Variants in ATRNL1 observed in about 807,000 individuals in gnomAD.
ATRNL1 encodes attractin like 1.
In ATRNL1, 95 loss-of-function variants were observed where a neutral mutation model predicts 182.7. That is an observed-to-expected ratio of 0.52 (90% CI 0.44 to 0.62). The LOEUF (loss-of-function observed/expected upper bound fraction) is 0.62. ATRNL1 is among the 20% of genes least tolerant of loss of function. The pLI, the probability that ATRNL1 is intolerant of heterozygous loss-of-function variation, is 0.00. For synonymous variants in ATRNL1, 576 were observed against 568.3 expected, an observed-to-expected ratio of 1.01 and a Z score of -0.19; for missense variants, 1,471 against 1,679.5, an observed-to-expected ratio of 0.88 and a Z score of 2.17.
chr10:115,093,755 A>G lies in ATRNL1; in HGVS notation c.5A>G (p.Glu2Gly). 1.4e-6 allele frequency: 2 copies of G among 1,414,524 alleles called. No individual in the cohort carries two copies. The highest frequency in any genetic ancestry group is 1.8e-6 in the Non-Finnish European group (2 of 1,091,904). The allele number at this position is 1,414,524 out of a possible 1,614,324, so 87.6% of individuals were successfully genotyped here. METGGRARTGTP... is the reference protein window; with the variant it reads MGTGGRARTGTP... ...CGGGCAGGGGCGCCGGGGAAGATGG[A>G]GACTGGGGGCCGGGCCCGCACTGGT... The change falls in exon 1 of 29, where the codon GAG becomes GGG. Residue 2 changes from glutamate to glycine, a missense_variant. Coordinates refer to ENST00000355044, the MANE Select transcript of ATRNL1 (RefSeq NM_207303.4). The surrounding 1 kb of genome is among the most constrained non-coding windows in gnomAD (Gnocchi z 6.1).
At chr10:115,684,355 G>C (rs1555045684) in intron 26 of ATRNL1, among the ~76,000 whole-genome samples, 1 of 150,930 alleles carries the variant, frequency 6.6e-6, no homozygotes, top group African/African-American at 2.4e-5. Context: ...ATTTTTCTCT[G>C]TGTGTCTAAT....
At position 115,207,123 on chromosome 10, in the gene ATRNL1, A is replaced by G. The variant is rs541155185; in HGVS notation, c.1349-8574A>G. Among the ~76,000 whole-genome samples, 160 of 152,222 alleles carry G rather than the reference A, an allele frequency of 1.1e-3. 2 individuals carry two copies. Among genetic ancestry groups the G allele is most frequent in the African/African-American group, 3.8e-3 (159 of 41,542 alleles). Reference sequence around the variant, plus strand: ...TTTGGGTTTGTTCCGAGTCTTTGCTATTGTGAATAGTGCCACAATAAACAT... The same window carrying G: ...TTTGGGTTTGTTCCGAGTCTTTGCTGTTGTGAATAGTGCCACAATAAACAT... On this transcript the variant is annotated intron_variant, in intron 8 of 28. Coordinates refer to ENST00000355044, the MANE Select transcript of ATRNL1 (RefSeq NM_207303.4).
chr10:115,453,723 C>CA (rs1330635744), intron 21 of ATRNL1, among the ~76,000 whole-genome samples: 1 of 146,748 alleles, frequency 6.8e-6, no homozygotes. Context: ...TGCATGTTCT[C>CA]ACTCATAGGT....
At chr10:115,504,034 T>C (rs1243876418) in intron 24 of ATRNL1, among the ~76,000 whole-genome samples, 1 of 152,020 alleles carries the variant, frequency 6.6e-6, no homozygotes, top group East Asian at 1.9e-4. Flanking sequence ...AGAATGTTTT[T>C]ATACAAATAT....
chr10:115,742,109 A>G (rs904492023), intron 27 of ATRNL1, among the ~76,000 whole-genome samples: 4 of 152,202 alleles, frequency 2.6e-5, no homozygotes, highest in African/African-American at 9.6e-5. Context: ...CAGAAGCCAG[A>G]CCGCAAGAGA....
chr10:115,565,624 C>T (rs1854028933), intron 26 of ATRNL1, among the ~76,000 whole-genome samples: 1 of 152,042 alleles, frequency 6.6e-6, no homozygotes, highest in Admixed American at 6.6e-5. Flanking sequence ...CTTAGAATGA[C>T]TTAGAAGCAC....
intron 18 of ATRNL1, among the ~76,000 whole-genome samples, chr10:115,318,154 G>T (rs949154184): frequency 2.6e-5 from 4 of 152,084 alleles, no homozygotes; most frequent in African/African-American, 9.7e-5. Flanking sequence ...AGATAATTGT[G>T]TACTTTTTGG....
At chr10:115,888,907 G>A (rs1345410125) in intron 28 of ATRNL1, among the ~76,000 whole-genome samples, 3 of 152,158 alleles carry the variant, frequency 2.0e-5, no homozygotes, top group Non-Finnish European at 2.9e-5. Context: ...CTGACATTTC[G>A]TTGGCTGGAA....
chr10:115,721,913 G>A (rs1947438512), intron 26 of ATRNL1, among the ~76,000 whole-genome samples: 1 of 152,138 alleles, frequency 6.6e-6, no homozygotes, highest in South Asian at 2.1e-4. Flanking sequence ...TGCCCAAATA[G>A]CAACCCCAAA....
intron 19 of ATRNL1, among the ~76,000 whole-genome samples, chr10:115,363,785 C>T (rs1437830122): frequency 2.7e-5 from 4 of 148,894 alleles, no homozygotes; most frequent in Non-Finnish European, 1.5e-5. Context: ...AATCCTTTCC[C>T]CATTGCTTGT....
intron 9 of ATRNL1, among the ~76,000 whole-genome samples, chr10:115,223,604 G>A (rs1245396673): frequency 6.6e-6 from 1 of 151,844 alleles, no homozygotes; most frequent in African/African-American, 2.4e-5. Flanking sequence ...TAAAACATTT[G>A]AATAGGACAA....
At chr10:115,329,612 T>A (rs1369155089) in intron 18 of ATRNL1, among the ~76,000 whole-genome samples, 1 of 152,180 alleles carries the variant, frequency 6.6e-6, no homozygotes, top group Non-Finnish European at 1.5e-5. Context: ...CTTGTATTGA[T>A]CCCTTTATCA....
chr10:115,941,891 CTCT>C (rs1953741872), intron 28 of ATRNL1, among the ~76,000 whole-genome samples: 1 of 152,172 alleles, frequency 6.6e-6, no homozygotes, highest in South Asian at 2.1e-4. Flanking sequence ...CTATGTTGGA[CTCT>C]TCAGAAGTTC....
At chr10:115,561,806 A>G (rs1187508664) in intron 26 of ATRNL1, among the ~76,000 whole-genome samples, 1 of 152,022 alleles carries the variant, frequency 6.6e-6, no homozygotes, top group Non-Finnish European at 1.5e-5. Flanking sequence ...ACCTACAATA[A>G]GATACCACTA....
intron 24 of ATRNL1, among the ~76,000 whole-genome samples, chr10:115,479,061 A>G (rs1359245630): frequency 1.3e-5 from 2 of 151,614 alleles, no homozygotes; most frequent in South Asian, 2.1e-4. Context: ...GGCAGGTTTT[A>G]TCTTTTCAGT....
intron 17 of ATRNL1, among the ~76,000 whole-genome samples, chr10:115,302,682 A>G (rs1454710432): frequency 1.3e-5 from 2 of 152,196 alleles, no homozygotes; most frequent in Admixed American, 1.3e-4. Flanking sequence ...TCTAAGGACT[A>G]TAGGATAAGG....
At chr10:115,461,731 T>G (rs1182359123) in intron 21 of ATRNL1, among the ~76,000 whole-genome samples, 1 of 152,124 alleles carries the variant, frequency 6.6e-6, no homozygotes, top group Non-Finnish European at 1.5e-5. Context: ...ATAAATAAAA[T>G]TTTTAAGGAA....
At chr10:115,316,038 G>A (rs1357271892) in intron 18 of ATRNL1, among the ~76,000 whole-genome samples, 2 of 152,060 alleles carry the variant, frequency 1.3e-5, no homozygotes, top group African/African-American at 4.8e-5. Context: ...GAACGTGCAG[G>A]TTACATAAGT....
rs539815787 is a variant in ATRNL1 at position 115,502,103 on chromosome 10, A to G, written c.3655-17160A>G. 1.3e-4 allele frequency among the ~76,000 whole-genome samples: 20 copies of G among 152,304 alleles called. No homozygotes were observed. The East Asian group carries it at 1.5e-3, about 12-fold the overall frequency. Reference sequence around the variant, plus strand: ...ACAATAATTTAACATAACAATTACAATTATTACTGATAATGTATACTAAGT... The same window carrying G: ...ACAATAATTTAACATAACAATTACAGTTATTACTGATAATGTATACTAAGT... On this transcript the variant is annotated intron_variant, in intron 24 of 28. Coordinates refer to ENST00000355044, the MANE Select transcript of ATRNL1 (RefSeq NM_207303.4).
Sources: gnomAD v4.1 joint callset for allele counts (sites outside exome capture counted in the v4.1 genomes callset) on GRCh38, gnomAD v4.1.1 for gene constraint, Gnocchi (gnomAD v3.1) non-coding constraint, MANE v1.5 for transcripts, NCBI Gene and HGNC (gene_info 2026-07-23, HGNC 2026-07-21) for gene names.